The following C16orf87 variants were observed in gnomAD, a reference collection of about 807,000 sequenced individuals.
The protein encoded by C16orf87 is UPF0547 protein C16orf87.
In C16orf87, 13 loss-of-function variants were observed where a neutral mutation model predicts 21.0. That is an observed-to-expected ratio of 0.62 (90% CI 0.40 to 0.98). The LOEUF is 0.98. C16orf87 is among the 50% of genes least tolerant of loss of function. The pLI is 0.00. For missense variants in C16orf87, 113 were observed against 180.4 expected (o/e 0.63, Z 2.14); for synonymous variants, 49 against 60.2 (o/e 0.81, Z 0.86).
intron 1 of C16orf87, among the ~76,000 whole-genome samples, chr16:46,830,308 G>C (rs982605661): frequency 6.5e-4 from 15 of 23,060 alleles, no homozygotes; most frequent in African/African-American, 1.5e-3. Flanking sequence ...GAGAGAGAGA[G>C]ACACACAGAG....
chr16:46,829,299 G>C (rs1170342456), intron 1 of C16orf87, among the ~76,000 whole-genome samples: 1 of 152,108 alleles, frequency 6.6e-6, no homozygotes, highest in African/African-American at 2.4e-5. Flanking sequence ...TTATATGAAA[G>C]AATAAATATG....
chr16:46,799,547 TTAAGAA>T lies in C16orf87; in HGVS notation c.*3399_*3404del, dbSNP rs1178592269. ...AAACTAGAAGGTAAAGTGGAAATAA[TTAAGAA>T]TGAGTTTCAAAGAATGACGGACAAA... is the stretch of plus-strand genomic sequence containing the variant. On this transcript the variant is annotated 3_prime_UTR_variant, in exon 4 of 4. Transcript: ENST00000285697. 6.6e-6 allele frequency: 1 copy of T among 152,126 alleles called. No individual in the cohort carries two copies. The highest frequency in any genetic ancestry group is 1.5e-5 in the Non-Finnish European group (1 of 68,018). 9.4% of individuals were successfully genotyped at this position (152,126 alleles called of 1,614,324 possible).
At chr16:46,809,857 C>T in intron 2 of C16orf87, 72 bp from the exon 3 acceptor site, 1 of 949,560 alleles carries the variant, frequency 1.1e-6, no homozygotes, top group Non-Finnish European at 1.6e-6. Flanking sequence ...TCATTGTCTT[C>T]CTTTTTCTTT....
chr16:46,813,616 T>G (rs897064393), intron 2 of C16orf87, among the ~76,000 whole-genome samples: 1 of 152,180 alleles, frequency 6.6e-6, no homozygotes, highest in Non-Finnish European at 1.5e-5. Context: ...TTCTCCAGTC[T>G]CATGATGCTC....
chr16:46,812,378 T>C (rs1968114790), intron 2 of C16orf87, among the ~76,000 whole-genome samples: 1 of 152,242 alleles, frequency 6.6e-6, no homozygotes, highest in Non-Finnish European at 1.5e-5. Context: ...GGATATTTAT[T>C]AATAAGAAAT....
chr16:46,816,842 T>G (rs750100553), intron 2 of C16orf87, among the ~76,000 whole-genome samples: 3 of 152,202 alleles, frequency 2.0e-5, no homozygotes, highest in African/African-American at 7.2e-5. Flanking sequence ...GGAAGAAGCA[T>G]AGCTGGCATG....
chr16:46,808,178 C>T, intron 3 of C16orf87: 1 of 445,946 alleles, frequency 2.2e-6, no homozygotes, highest in Non-Finnish European at 4.5e-6. Context: ...AACTCAAACC[C>T]TCTGGAAGAG....
intron 2 of C16orf87, among the ~76,000 whole-genome samples, chr16:46,811,940 G>C (rs1157482486): frequency 6.6e-6 from 1 of 151,874 alleles, no homozygotes; most frequent in Admixed American, 6.6e-5. Context: ...GTGACAAAGC[G>C]ACACCCTGTT....
At chr16:46,814,722 T>C (rs937597555) in intron 2 of C16orf87, among the ~76,000 whole-genome samples, 5 of 151,996 alleles carry the variant, frequency 3.3e-5, no homozygotes, top group African/African-American at 9.7e-5. Flanking sequence ...AAGAAAATAA[T>C]AGTCAAGAGA....
At chr16:46,826,342 T>C (rs573700311) in intron 1 of C16orf87, among the ~76,000 whole-genome samples, 18 of 152,314 alleles carry the variant, frequency 1.2e-4, no homozygotes, top group African/African-American at 4.1e-4. Context: ...TACAGAATAA[T>C]TACAGTAAGA....
chr16:46,830,723 C>A (rs1292137645), intron 1 of C16orf87: 3 of 198,636 alleles, frequency 1.5e-5, no homozygotes, highest in Non-Finnish European at 3.0e-5. Context: ...GCGGCACACT[C>A]TCGCCGGGGC....
At chr16:46,817,855 T>C (rs942488750) in intron 2 of C16orf87, among the ~76,000 whole-genome samples, 1 of 138,534 alleles carries the variant, frequency 7.2e-6, no homozygotes, top group African/African-American at 2.7e-5. Flanking sequence ...ATAGACTATA[T>C]GATTAAGAAC....
chr16:46,817,916 C>CAAAAAAAAAAAAAAAAA (rs1056745014), intron 2 of C16orf87, among the ~76,000 whole-genome samples: 2 of 68,296 alleles, frequency 2.9e-5, no homozygotes, highest in Non-Finnish European at 5.2e-5. Flanking sequence ...CATCAAAAAG[C>CAAAAAAAAAAAAAAAAA]AAAAAAAAAA....
chr16:46,826,826 T>C (rs933010335), intron 1 of C16orf87, among the ~76,000 whole-genome samples: 5 of 152,220 alleles, frequency 3.3e-5, no homozygotes, highest in African/African-American at 9.7e-5. Flanking sequence ...TCCACAGTAA[T>C]GTAAATTGTT....
chr16:46,831,055 C>A lies in C16orf87; in HGVS notation c.66+29G>T, dbSNP rs777020764. On this transcript the variant is annotated intron_variant, in intron 1 of 3. Coordinates refer to ENST00000285697, the MANE Select transcript of C16orf87 (RefSeq NM_001001436.4). Reference sequence around the variant, plus strand: ...CAACGGCCGCCAAGCCACTGCCGCCCGCCCGCGCGCCCGGCCCCCGGCACC... The same window carrying A: ...CAACGGCCGCCAAGCCACTGCCGCCAGCCCGCGCGCCCGGCCCCCGGCACC... The A allele has an allele frequency of 3.2e-6, 5 of 1,552,766 alleles. No individual in the cohort carries two copies. The South Asian group carries it at 5.8e-5, about 18-fold the overall frequency.
chr16:46,815,814 A>G (rs1968223071), intron 2 of C16orf87, among the ~76,000 whole-genome samples: 1 of 152,226 alleles, frequency 6.6e-6, no homozygotes, highest in African/African-American at 2.4e-5. Flanking sequence ...AGAAATGTAA[A>G]ATGGAGCTGC....
At chr16:46,830,476 C>CA (rs533197592) in intron 1 of C16orf87, among the ~76,000 whole-genome samples, 13 of 152,326 alleles carry the variant, frequency 8.5e-5, no homozygotes, top group Admixed American at 3.9e-4. Flanking sequence ...GATGTAAAGG[C>CA]AGGATTCGCG....
In C16orf87 at chr16:46,800,096, A is replaced by C. The variant is rs1250049465; in HGVS notation, c.*2856T>G. On this transcript the variant is annotated 3_prime_UTR_variant, in exon 4 of 4. Coordinates refer to ENST00000285697, the MANE Select transcript of C16orf87 (RefSeq NM_001001436.4). ...CAATTACTAGAGTTAAAGAAGTCAAATACTTTTCAATTTGAAATCTTATCT... is the reference window on the plus strand; with the variant it reads ...CAATTACTAGAGTTAAAGAAGTCAACTACTTTTCAATTTGAAATCTTATCT... 1 of 152,216 alleles carries C rather than the reference A, an allele frequency of 6.6e-6. No homozygotes were observed. The highest frequency in any genetic ancestry group is 1.5e-5 in the Non-Finnish European group (1 of 68,034). 9.4% of individuals were successfully genotyped at this position (152,216 alleles called of 1,614,324 possible). A position where few individuals can be genotyped will look rare whatever the true frequency, so the allele number is the denominator to read the frequency against.
At chr16:46,828,548 A>G (rs1372356684) in intron 1 of C16orf87, among the ~76,000 whole-genome samples, 4 of 152,284 alleles carry the variant, frequency 2.6e-5, no homozygotes, top group East Asian at 3.9e-4. Flanking sequence ...TTTTAGAATG[A>G]TATGTTCAAT....
Sources: allele counts gnomAD v4.1 joint callset (sites outside exome capture counted in the v4.1 genomes callset), GRCh38; gene constraint gnomAD v4.1.1; transcripts MANE v1.5; gene names NCBI Gene and HGNC (gene_info 2026-07-23, HGNC 2026-07-21).